The following ASCC3 variants were observed in gnomAD, a reference collection of about 807,000 sequenced individuals.
ASCC3 encodes ASC-1 complex subunit P200.
Under a neutral mutation model 256.3 loss-of-function variants are expected in ASCC3, and 158 were observed. The ratio of observed to expected loss-of-function variants is 0.62; its 90% CI spans 0.54 to 0.70. The LOEUF (loss-of-function observed/expected upper bound fraction) is 0.70. ASCC3 is among the 30% of genes least tolerant of loss of function. The pLI is 0.00. For missense variants in ASCC3, 2,259 were observed against 2,626.0 expected (o/e 0.86, Z 3.05); for synonymous variants, 948 against 883.4 (o/e 1.07, Z -1.30).
intron 1 of ASCC3, among the ~76,000 whole-genome samples, chr6:100,875,960 G>A (rs529663380): frequency 6.6e-6 from 1 of 152,272 alleles, no homozygotes; most frequent in African/African-American, 2.4e-5. Context: ...CTGAAATAAT[G>A]TGGTTTAAGA....
At chr6:100,873,807 CT>C (rs1278007315) in intron 1 of ASCC3, among the ~76,000 whole-genome samples, 5 of 152,136 alleles carry the variant, frequency 3.3e-5, no homozygotes, top group South Asian at 4.1e-4. Flanking sequence ...ATGGTACAGT[CT>C]TTTTAGGCAA....
intron 36 of ASCC3, among the ~76,000 whole-genome samples, chr6:100,564,362 T>C (rs1197767004): frequency 1.3e-5 from 2 of 152,140 alleles, no homozygotes; most frequent in Non-Finnish European, 2.9e-5. Context: ...TCATCCCCCA[T>C]ACTCCCAGGC....
intron 4 of ASCC3, among the ~76,000 whole-genome samples, chr6:100,832,610 T>C (rs1288911334): frequency 1.3e-5 from 2 of 151,990 alleles, no homozygotes; most frequent in African/African-American, 2.4e-5. Flanking sequence ...AATAGTAAGA[T>C]GGACAAAAGG....
At chr6:100,740,673 C>T (rs954769172) in intron 10 of ASCC3, among the ~76,000 whole-genome samples, 4 of 151,734 alleles carry the variant, frequency 2.6e-5, no homozygotes, top group African/African-American at 7.3e-5. Context: ...TGCACCCTTC[C>T]TTGTCTTTTT....
chr6:100,751,256 G>C lies in ASCC3; in HGVS notation c.1737+15309C>G, dbSNP rs142355875. Among the ~76,000 whole-genome samples the C allele has an allele frequency of 4.8e-3, 734 of 151,982 alleles. 9 individuals carry two copies. The highest frequency in any genetic ancestry group is 0.017 in the African/African-American group (711 of 41,464). On this transcript the variant is annotated intron_variant, in intron 10 of 41. Transcript: ENST00000369162. ...GTTATGTTACACTAATATATCTTTA[G>C]CATTAATGCTAGTTATAGAAAATTA... is the stretch of plus-strand genomic sequence containing the variant.
intron 13 of ASCC3, among the ~76,000 whole-genome samples, chr6:100,712,063 A>C (rs1220682860): frequency 6.6e-6 from 1 of 152,218 alleles, no homozygotes. Context: ...CTGGCCATCA[A>C]TATGCAAAAA....
intron 26 of ASCC3, 40 bp from the exon 27 acceptor site, chr6:100,629,221 G>T: frequency 1.3e-6 from 2 of 1,588,894 alleles, no homozygotes; most frequent in Non-Finnish European, 1.7e-6. Flanking sequence ...AACTTTTCAG[G>T]TAACAAATGA....
At chr6:100,760,380 A>T (rs780880066) in intron 10 of ASCC3, among the ~76,000 whole-genome samples, 4 of 152,160 alleles carry the variant, frequency 2.6e-5, no homozygotes, top group Non-Finnish European at 4.4e-5. Context: ...AATTTTAGCA[A>T]AGGCCTTTTC....
At chr6:100,640,345 A>G (rs1208170265) in intron 24 of ASCC3, among the ~76,000 whole-genome samples, 1 of 152,212 alleles carries the variant, frequency 6.6e-6, no homozygotes, top group Non-Finnish European at 1.5e-5. Flanking sequence ...GATAATGACT[A>G]TATATTCAAA....
chr6:100,852,494 C>T (rs1350526705), intron 3 of ASCC3, among the ~76,000 whole-genome samples: 2 of 152,094 alleles, frequency 1.3e-5, no homozygotes, highest in African/African-American at 4.8e-5. Flanking sequence ...TGTTCACTTC[C>T]CTTTATATTC....
chr6:100,714,644 C>T (rs1380330924), intron 13 of ASCC3, among the ~76,000 whole-genome samples: 1 of 150,212 alleles, frequency 6.7e-6, no homozygotes, highest in Non-Finnish European at 1.5e-5. Context: ...AGGTTAGCAA[C>T]TATTATTCTT....
At chr6:100,590,154 C>G (rs1582512332) in intron 34 of ASCC3, 95 bp from the exon 35 acceptor site, 1 of 852,184 alleles carries the variant, frequency 1.2e-6, no homozygotes, top group Non-Finnish European at 1.9e-6. Flanking sequence ...ATATAATCCC[C>G]TTTTATTATA....
chr6:100,624,033 G>T (rs1774104230), intron 30 of ASCC3, among the ~76,000 whole-genome samples: 1 of 151,590 alleles, frequency 6.6e-6, no homozygotes, highest in Non-Finnish European at 1.5e-5. Context: ...GAGTTACTGG[G>T]TGCAGCACAC....
At chr6:100,790,562 A>G (rs1769304877) in intron 8 of ASCC3, among the ~76,000 whole-genome samples, 1 of 152,042 alleles carries the variant, frequency 6.6e-6, no homozygotes, top group Admixed American at 6.6e-5. Flanking sequence ...ACCACAACAC[A>G]CTGATATATT....
At chr6:100,760,567 A>G (rs1781376439) in intron 10 of ASCC3, among the ~76,000 whole-genome samples, 1 of 152,182 alleles carries the variant, frequency 6.6e-6, no homozygotes, top group African/African-American at 2.4e-5. Context: ...AAATCCTTCA[A>G]GGAGCAATTT....
intron 4 of ASCC3, among the ~76,000 whole-genome samples, chr6:100,809,960 AG>A (rs1291195556): frequency 3.9e-5 from 6 of 152,100 alleles, no homozygotes; most frequent in African/African-American, 1.4e-4. Context: ...CTGGTACACC[AG>A]AAGGAAACCT....
At chr6:100,605,829 C>A in intron 32 of ASCC3, 129 bp from the exon 33 acceptor site, 1 of 1,070,700 alleles carries the variant, frequency 9.3e-7, no homozygotes. Flanking sequence ...AATATGTTTG[C>A]TATGTTGATG....
At chr6:100,759,052 G>T (rs892488168) in intron 10 of ASCC3, among the ~76,000 whole-genome samples, 1 of 152,152 alleles carries the variant, frequency 6.6e-6, no homozygotes, top group African/African-American at 2.4e-5. Context: ...TTTGAGAAGT[G>T]TCTGTTCATA....
At chr6:100,841,904 T>C (rs1772161820) in intron 4 of ASCC3, among the ~76,000 whole-genome samples, 1 of 152,154 alleles carries the variant, frequency 6.6e-6, no homozygotes, top group Non-Finnish European at 1.5e-5. Context: ...TTCATTAGAA[T>C]AAGTATACCT....
Sources: allele counts gnomAD v4.1 joint callset (sites outside exome capture counted in the v4.1 genomes callset), GRCh38; gene constraint gnomAD v4.1.1; transcripts MANE v1.5; gene names NCBI Gene and HGNC (gene_info 2026-07-23, HGNC 2026-07-21).